Variants in ASCC3 observed in about 807,000 individuals in gnomAD.
ASCC3 encodes ASC-1 complex subunit P200.
ASCC3 carries 158 observed loss-of-function variants against 256.3 expected under a neutral mutation model. The ratio of observed to expected loss-of-function variants is 0.62; its 90% CI spans 0.54 to 0.70. The LOEUF is 0.70. ASCC3 is among the 30% of genes least tolerant of loss of function. The probability of loss-of-function intolerance (pLI) is 0.00; values close to 1 mark genes in which losing one functional copy is unlikely to be tolerated. For synonymous variants in ASCC3, 948 were observed against 883.4 expected, an observed-to-expected ratio of 1.07 and a Z score of -1.30; for missense variants, 2,259 against 2,626.0, an observed-to-expected ratio of 0.86 and a Z score of 3.05.
At chr6:100,634,864 C>CAAAAA (rs199632200) in intron 25 of ASCC3, among the ~76,000 whole-genome samples, 141 of 119,216 alleles carry the variant, frequency 1.2e-3, no homozygotes, top group South Asian at 1.7e-3. Context: ...CCTCAAAAAA[C>CAAAAA]AAAAAAAAAA....
intron 8 of ASCC3, among the ~76,000 whole-genome samples, chr6:100,792,236 A>G (rs573895036): frequency 4.5e-4 from 68 of 152,044 alleles, no homozygotes; most frequent in African/African-American, 1.6e-3. Flanking sequence ...TCCTGTTGAT[A>G]CACTAAATCA....
chr6:100,760,407 A>G (rs1781369344), intron 10 of ASCC3, among the ~76,000 whole-genome samples: 1 of 152,130 alleles, frequency 6.6e-6, no homozygotes, highest in Non-Finnish European at 1.5e-5. Context: ...TATTGAGATA[A>G]TCGTGTGGTT....
chr6:100,686,695 G>C (rs1223052686), intron 13 of ASCC3, among the ~76,000 whole-genome samples: 1 of 152,002 alleles, frequency 6.6e-6, no homozygotes, highest in Non-Finnish European at 1.5e-5. Flanking sequence ...AGTGTATACA[G>C]AGTATAACTC....
At chr6:100,762,489 G>C (rs552035119) in intron 10 of ASCC3, among the ~76,000 whole-genome samples, 1 of 152,312 alleles carries the variant, frequency 6.6e-6, no homozygotes, top group South Asian at 2.1e-4. Flanking sequence ...TAGAGTAATG[G>C]AAAATAAGGT....
intron 36 of ASCC3, among the ~76,000 whole-genome samples, chr6:100,582,696 C>T (rs1308366742): frequency 6.6e-6 from 1 of 151,610 alleles, no homozygotes; most frequent in African/African-American, 2.4e-5. Flanking sequence ...CAGTTTTTGC[C>T]CATTCAGTAT....
chr6:100,522,725 T>C (rs990107851), intron 37 of ASCC3, among the ~76,000 whole-genome samples: 1 of 151,998 alleles, frequency 6.6e-6, no homozygotes, highest in African/African-American at 2.4e-5. Context: ...CATCTACTAT[T>C]TGTCAAACAC....
intron 20 of ASCC3, among the ~76,000 whole-genome samples, chr6:100,648,887 A>C (rs1237855748): frequency 3.3e-5 from 5 of 151,944 alleles, no homozygotes; most frequent in Non-Finnish European, 7.4e-5. Flanking sequence ...GGTTCAAAAT[A>C]ATAAGTCTAT....
At chr6:100,673,256 A>G (rs1776844295) in intron 14 of ASCC3, among the ~76,000 whole-genome samples, 1 of 152,158 alleles carries the variant, frequency 6.6e-6, no homozygotes, top group African/African-American at 2.4e-5. Flanking sequence ...GTAAATAAAT[A>G]GAAAAATTAA....
intron 33 of ASCC3, among the ~76,000 whole-genome samples, chr6:100,605,066 C>T (rs958016483): frequency 1.3e-5 from 2 of 152,152 alleles, no homozygotes; most frequent in African/African-American, 2.4e-5. Context: ...TCATTAATTA[C>T]ATGCTCCCTT....
At chr6:100,863,901 G>C (rs1426628182) in intron 3 of ASCC3, among the ~76,000 whole-genome samples, 163 bp downstream of exon 3, 1 of 152,066 alleles carries the variant, frequency 6.6e-6, no homozygotes, top group African/African-American at 2.4e-5. Flanking sequence ...GGGGTTACAT[G>C]CATGAGCCAC....
intron 37 of ASCC3, among the ~76,000 whole-genome samples, chr6:100,520,600 C>T (rs923853455): frequency 5.3e-5 from 8 of 152,070 alleles, no homozygotes; most frequent in African/African-American, 9.7e-5. Flanking sequence ...TGATCAATAA[C>T]GAATGAACCT....
At chr6:100,652,441 T>G (rs1369589117) in intron 18 of ASCC3, among the ~76,000 whole-genome samples, 1 of 152,122 alleles carries the variant, frequency 6.6e-6, no homozygotes, top group Non-Finnish European at 1.5e-5. Flanking sequence ...GCACATGAGG[T>G]GTTTTCTGAA....
At chr6:100,832,030 A>T (rs897693107) in intron 4 of ASCC3, among the ~76,000 whole-genome samples, 2 of 152,142 alleles carry the variant, frequency 1.3e-5, no homozygotes, top group Non-Finnish European at 2.9e-5. Context: ...ATAGATTTTA[A>T]AAAAATTTTA....
chr6:100,617,255 G>C (rs1331485408), intron 30 of ASCC3, among the ~76,000 whole-genome samples: 1 of 152,028 alleles, frequency 6.6e-6, no homozygotes, highest in East Asian at 1.9e-4. Context: ...TGATCTGCCT[G>C]CCTCGGCCTC....
chr6:100,760,516 T>C (rs1582822247), intron 10 of ASCC3, among the ~76,000 whole-genome samples: 1 of 152,218 alleles, frequency 6.6e-6, no homozygotes, highest in Admixed American at 6.5e-5. Flanking sequence ...GATGTGCTGC[T>C]GGATTTGGTT....
chr6:100,730,328 C>CAAAAA (rs1256671876), intron 10 of ASCC3, among the ~76,000 whole-genome samples: 1 of 151,756 alleles, frequency 6.6e-6, no homozygotes, highest in Admixed American at 6.6e-5. Context: ...CAAAACAAAA[C>CAAAAA]AAATGCCACT....
chr6:100,766,612 A>G lies in ASCC3; in HGVS notation c.1690T>C (p.Leu564=). The change falls in exon 10 of 42, where the codon TTG becomes CTG. Residue 564 remains leucine, a synonymous_variant. Transcript: ENST00000369162. ...LEPLGIIVKE[L]TGDMQLSKSE... Reference sequence around the variant, plus strand: ...TTGGACAACTGCATGTCACCAGTCAATTCTTTCACAATGATGCCTAGTGGC... The same window carrying G: ...TTGGACAACTGCATGTCACCAGTCAGTTCTTTCACAATGATGCCTAGTGGC... 2 of 1,614,062 alleles carry G rather than the reference A, an allele frequency of 1.2e-6. No individual in the cohort carries two copies. Among genetic ancestry groups the G allele is most frequent in the Non-Finnish European group, 1.7e-6 (2 of 1,179,968 alleles).
chr6:100,799,550 T>C lies in ASCC3; in HGVS notation c.1150A>G (p.Arg384Gly), dbSNP rs1205079340. ...TGCCTGCTCAGAATTGGAACACTTC[T>C]AGCATTCAGAAGTGCCTGTTCTCTG... ...IQREQALLNA[R>G]SVPILSRQRD... The change falls in exon 7 of 42, where the codon AGA becomes GGA. Residue 384 changes from arginine (R) to glycine (G), a missense_variant. Physicochemically the swap from Arg to Gly is moderately radical, Grantham distance 125. Transcript: ENST00000369162. 1.2e-6 allele frequency: 2 copies of C among 1,612,736 alleles called. No individual in the cohort carries two copies. The highest frequency in any genetic ancestry group is 2.2e-5 in the East Asian group (1 of 44,798).
intron 10 of ASCC3, among the ~76,000 whole-genome samples, chr6:100,752,920 AAT>A (rs1262668788): frequency 6.6e-6 from 1 of 152,176 alleles, no homozygotes; most frequent in Non-Finnish European, 1.5e-5. Flanking sequence ...CAAAATAAGA[AAT>A]ATAATTATTA....
Sources: gnomAD v4.1 joint callset for allele counts (sites outside exome capture counted in the v4.1 genomes callset) on GRCh38, gnomAD v4.1.1 for gene constraint, MANE v1.5 for transcripts, NCBI Gene and HGNC (gene_info 2026-07-23, HGNC 2026-07-21) for gene names.